FAM184A: variants seen among roughly 807,000 people sequenced by gnomAD.
FAM184A encodes the protein family with sequence similarity 184 member A, also known as protein FAM184A.
Under a neutral mutation model 143.8 loss-of-function variants are expected in FAM184A, and 99 were observed. That is an observed-to-expected ratio of 0.69 (90% CI 0.58 to 0.81). The LOEUF is 0.81. Among genes scored for constraint, FAM184A ranks in the 40% least tolerant of loss-of-function variants. FAM184A has a pLI of 0.00. For missense variants in FAM184A, 1,217 were observed against 1,310.5 expected (o/e 0.93, Z 1.10); for synonymous variants, 427 against 446.4 (o/e 0.96, Z 0.55).
intron 1 of FAM184A, among the ~76,000 whole-genome samples, chr6:119,102,521 C>T (rs1788663810): frequency 6.6e-6 from 1 of 152,030 alleles, no homozygotes; most frequent in Non-Finnish European, 1.5e-5. Flanking sequence ...GGCACAGTGG[C>T]TCACACCTGT....
At chr6:119,138,990 C>T (rs1386478115) in intron 1 of FAM184A, among the ~76,000 whole-genome samples, 1 of 152,112 alleles carries the variant, frequency 6.6e-6, no homozygotes, top group Non-Finnish European at 1.5e-5. Context: ...AAAACCTCCC[C>T]ATCTCAAGAT....
chr6:118,968,264 T>TAA, intron 14 of FAM184A, among the ~76,000 whole-genome samples: 1 of 149,550 alleles, frequency 6.7e-6, no homozygotes, highest in South Asian at 2.1e-4. Flanking sequence ...CTGATGAGCT[T>TAA]AAAAAAAAAA....
chr6:119,006,457 A>G lies in FAM184A; in HGVS notation c.1805T>C (p.Leu602Ser). 6.2e-7 allele frequency: 1 copy of G among 1,608,098 alleles called. No homozygotes were observed. The highest frequency in any genetic ancestry group is 1.1e-5 in the South Asian group (1 of 89,078). Residue 602 changes from leucine (L) to serine (S), a missense_variant, in exon 7 of 18, where the codon TTA (leucine) becomes TCA (serine). Leu to Ser is a moderately radical substitution (Grantham distance 145). Transcript: ENST00000338891. The stretch of plus-strand genomic sequence containing the variant: ...GAATTATGAAATTACCTCCACATTT[A>G]ATAGAGCATCCTTGGTCTCCTTTAG... ...DSLKETKDAL[L>S]NVEGELEQER...
chr6:119,089,176 A>C (rs1788304296), intron 1 of FAM184A, among the ~76,000 whole-genome samples: 1 of 136,416 alleles, frequency 7.3e-6, no homozygotes, highest in African/African-American at 2.9e-5. Context: ...TTTTTTAATT[A>C]TCTCTCTCTC....
At chr6:119,075,764 A>G (rs77903636) in intron 1 of FAM184A, among the ~76,000 whole-genome samples, 1,817 of 152,346 alleles carry the variant, frequency 0.012, 36 homozygotes, top group African/African-American at 0.041. Context: ...AGTAAAGTTC[A>G]TAACAGTCCC....
At chr6:118,965,675 G>T (rs1183318468) in intron 15 of FAM184A, among the ~76,000 whole-genome samples, 4 of 152,132 alleles carry the variant, frequency 2.6e-5, no homozygotes, top group Non-Finnish European at 5.9e-5. Context: ...ACAGTCCACG[G>T]AATCAGGCTG....
At chr6:118,999,851 G>T (rs1784693045) in intron 9 of FAM184A, among the ~76,000 whole-genome samples, 1 of 152,134 alleles carries the variant, frequency 6.6e-6, no homozygotes, top group African/African-American at 2.4e-5. Context: ...ATGATGAGCT[G>T]GTAGGAGCCA....
At chr6:119,072,135 T>C (rs935128301) in intron 1 of FAM184A, among the ~76,000 whole-genome samples, 1 of 152,200 alleles carries the variant, frequency 6.6e-6, no homozygotes, top group Admixed American at 6.5e-5. Context: ...GTGCTGGGAC[T>C]GTAGGCATGA....
At chr6:119,013,059 G>C (rs1178355283) in intron 5 of FAM184A, among the ~76,000 whole-genome samples, 1 of 151,882 alleles carries the variant, frequency 6.6e-6, no homozygotes, top group African/African-American at 2.4e-5. Context: ...ACATGAGGTA[G>C]ACAGGCAAGA....
intron 2 of FAM184A, among the ~76,000 whole-genome samples, 153 bp from the exon 3 acceptor site, chr6:119,023,233 T>G (rs981105523): frequency 6.6e-6 from 1 of 152,220 alleles, no homozygotes; most frequent in Non-Finnish European, 1.5e-5. Flanking sequence ...ATTTATAACT[T>G]GATGTTTTCA....
intron 13 of FAM184A, 105 bp downstream of exon 13, chr6:118,974,919 C>T (rs1392025871): frequency 2.4e-6 from 2 of 835,444 alleles, no homozygotes; most frequent in Non-Finnish European, 3.7e-6. Flanking sequence ...CAATATTTTA[C>T]TAGAGAGCCA....
chr6:119,036,136 G>A (rs1786104133), intron 1 of FAM184A, among the ~76,000 whole-genome samples: 1 of 151,946 alleles, frequency 6.6e-6, no homozygotes, highest in Non-Finnish European at 1.5e-5. Flanking sequence ...AACGTGAATA[G>A]AATGGGAACA....
intron 9 of FAM184A, among the ~76,000 whole-genome samples, chr6:118,983,760 C>A (rs1340341576): frequency 2.6e-5 from 4 of 151,998 alleles, no homozygotes; most frequent in Non-Finnish European, 5.9e-5. Flanking sequence ...CTGTCTCTAC[C>A]ATTTAAAAAA....
chr6:119,019,684 A>G (rs778860727), intron 4 of FAM184A, among the ~76,000 whole-genome samples: 3 of 152,258 alleles, frequency 2.0e-5, no homozygotes, highest in Admixed American at 6.5e-5. Flanking sequence ...AATAATGATT[A>G]TAAGTATACA....
chr6:119,051,718 A>T (rs765686321), intron 1 of FAM184A, among the ~76,000 whole-genome samples: 4 of 152,160 alleles, frequency 2.6e-5, no homozygotes, highest in African/African-American at 9.7e-5. Flanking sequence ...ATATCCTGCT[A>T]TTGGTTTGAG....
chr6:119,008,981 A>C (rs1286024857), intron 6 of FAM184A, among the ~76,000 whole-genome samples: 1 of 152,100 alleles, frequency 6.6e-6, no homozygotes, highest in African/African-American at 2.4e-5. Context: ...TTTATATACT[A>C]ATTGAGAGAA....
intron 9 of FAM184A, among the ~76,000 whole-genome samples, chr6:118,992,442 G>A (rs1477663155): frequency 2.0e-5 from 3 of 152,162 alleles, no homozygotes; most frequent in Admixed American, 2.0e-4. Context: ...GTGATTAGTT[G>A]ATGAGGGCAG....
At chr6:119,061,218 C>T (rs1332523849) in intron 1 of FAM184A, among the ~76,000 whole-genome samples, 1 of 152,040 alleles carries the variant, frequency 6.6e-6, no homozygotes. Flanking sequence ...TTACAAGTTG[C>T]GGTATCGGAA....
chr6:119,028,808 A>T (rs1785761548), intron 1 of FAM184A, among the ~76,000 whole-genome samples: 1 of 152,194 alleles, frequency 6.6e-6, no homozygotes. Flanking sequence ...TGCAGTTGGC[A>T]TCTGAATGAG....
Sources: allele counts gnomAD v4.1 joint callset (sites outside exome capture counted in the v4.1 genomes callset), GRCh38; gene constraint gnomAD v4.1.1; transcripts MANE v1.5; gene names NCBI Gene and HGNC (gene_info 2026-07-23, HGNC 2026-07-21).